The following R3HDM2 variants were observed in gnomAD, a reference collection of about 807,000 sequenced individuals.
R3HDM2 encodes the protein R3H domain containing 2, also known as R3H domain-containing protein 2.
R3HDM2 carries 38 observed loss-of-function variants against 124.5 expected under a neutral mutation model. The ratio of observed to expected loss-of-function variants is 0.31; its 90% CI spans 0.24 to 0.40. R3HDM2 has a LOEUF of 0.40. Ranked by LOEUF, R3HDM2 falls within the 10% of genes least tolerant of loss-of-function variation. The pLI is 1.00. For missense variants in R3HDM2, 869 were observed against 1,236.9 expected, an observed-to-expected ratio of 0.70 and a Z score of 4.46; for synonymous variants, 391 against 448.0, an observed-to-expected ratio of 0.87 and a Z score of 1.61.
chr12:57,339,803 T>C lies in R3HDM2; in HGVS notation c.-35-29340A>G, dbSNP rs185001384. 1.1e-4 allele frequency among the ~76,000 whole-genome samples: 17 copies of C among 152,112 alleles called. No homozygotes were observed. In the South Asian group the frequency reaches 3.1e-3, roughly 28 times the overall value. On this transcript the variant is annotated intron_variant, in intron 2 of 23. Transcript: ENST00000402412. ...ATCAGAGAGAAGAGAATTAAGTAGG[T>C]ATAGTAACTTTTAGGCACAGTAGTG...
At chr12:57,326,415 T>C (rs2057317848) in intron 2 of R3HDM2, among the ~76,000 whole-genome samples, 1 of 152,228 alleles carries the variant, frequency 6.6e-6, no homozygotes, top group African/African-American at 2.4e-5. Flanking sequence ...AACGTGCTAC[T>C]ACAGGGAACA....
At chr12:57,330,704 T>C (rs1417917093) in intron 2 of R3HDM2, among the ~76,000 whole-genome samples, 2 of 140,068 alleles carry the variant, frequency 1.4e-5, no homozygotes, top group African/African-American at 2.7e-5. Context: ...CTTTTTTTTT[T>C]TTTTTTTTTT....
intron 2 of R3HDM2, among the ~76,000 whole-genome samples, chr12:57,395,139 G>A (rs987952056): frequency 2.6e-5 from 4 of 151,746 alleles, no homozygotes; most frequent in Non-Finnish European, 4.4e-5. Context: ...GAACTCAGGA[G>A]GCACAGGTTG....
intron 1 of R3HDM2, among the ~76,000 whole-genome samples, chr12:57,429,677 C>G (rs1348790211): frequency 6.6e-6 from 1 of 150,502 alleles, no homozygotes; most frequent in African/African-American, 2.4e-5. Flanking sequence ...GGAACCACTA[C>G]ACTCCATTCT....
Position 57,357,939 on chromosome 12 carries a change from T to G in R3HDM2, c.-36+37810A>C, listed in dbSNP as rs573586990. On this transcript the variant is annotated intron_variant, in intron 2 of 23. Coordinates refer to ENST00000402412, the MANE Select transcript of R3HDM2 (RefSeq NM_001394031.1). ...TTCAGAGTGGTTAGGTTTCCAAATA[T>G]TTGGGGATTTTCCAGATATTGTTAT... 6.6e-5 allele frequency among the ~76,000 whole-genome samples: 10 copies of G among 152,022 alleles called. No individual in the cohort carries two copies. In the South Asian group the frequency reaches 1.7e-3, roughly 25 times the overall value.
At chr12:57,320,439 T>C (rs1407269830) in intron 2 of R3HDM2, among the ~76,000 whole-genome samples, 2 of 151,964 alleles carry the variant, frequency 1.3e-5, no homozygotes, top group African/African-American at 2.4e-5. Flanking sequence ...TAATGGTGAC[T>C]AGAACAAAGC....
At chr12:57,348,651 G>A (rs752741522) in intron 2 of R3HDM2, among the ~76,000 whole-genome samples, 9 of 129,446 alleles carry the variant, frequency 7.0e-5, no homozygotes, top group Non-Finnish European at 1.2e-4. Context: ...CCAAGATTGT[G>A]CCACTATACT....
intron 2 of R3HDM2, among the ~76,000 whole-genome samples, chr12:57,360,104 C>T (rs1272016032): frequency 6.8e-6 from 1 of 146,576 alleles, no homozygotes; most frequent in Non-Finnish European, 1.5e-5. Flanking sequence ...TCTCAGATCA[C>T]TGCAACCTCC....
At chr12:57,403,588 T>A (rs193046933) in intron 1 of R3HDM2, among the ~76,000 whole-genome samples, 1 of 152,094 alleles carries the variant, frequency 6.6e-6, no homozygotes, top group East Asian at 1.9e-4. Flanking sequence ...GCGGGTGTAT[T>A]GCTTGAGCTC....
At chr12:57,429,805 A>C (rs1281710010) in intron 1 of R3HDM2, among the ~76,000 whole-genome samples, 2 of 152,132 alleles carry the variant, frequency 1.3e-5, no homozygotes, top group African/African-American at 4.8e-5. Flanking sequence ...ACAACAAAAA[A>C]AAGCATTAGG....
At chr12:57,320,286 A>AAAAAAAAAAAAAAAAAACAAAG in intron 2 of R3HDM2, among the ~76,000 whole-genome samples, 1 of 147,344 alleles carries the variant, frequency 6.8e-6, no homozygotes, top group Non-Finnish European at 1.5e-5. Context: ...AAAAAAAAAA[A>AAAAAAAAAAAAAAAAAACAAAG]AAGCCTTAAA....
At chr12:57,344,315 C>T (rs1421900187) in intron 2 of R3HDM2, among the ~76,000 whole-genome samples, 6 of 152,082 alleles carry the variant, frequency 3.9e-5, no homozygotes, top group Non-Finnish European at 8.8e-5. Flanking sequence ...AAAAGCTGCA[C>T]GGAACTTGAA....
chr12:57,405,899 G>A (rs1467629109), intron 1 of R3HDM2, among the ~76,000 whole-genome samples: 2 of 152,020 alleles, frequency 1.3e-5, no homozygotes, highest in East Asian at 1.9e-4. Flanking sequence ...GATGATCTTC[G>A]GTCATCTTGT....
chr12:57,407,723 C>T (rs1289499703), intron 1 of R3HDM2, among the ~76,000 whole-genome samples: 4 of 151,716 alleles, frequency 2.6e-5, no homozygotes, highest in Admixed American at 1.3e-4. Context: ...TTATTTTAAA[C>T]GGGCAATTGG....
intron 2 of R3HDM2, among the ~76,000 whole-genome samples, chr12:57,342,607 AGCTTT>A (rs2059684902): frequency 6.6e-6 from 1 of 152,224 alleles, no homozygotes; most frequent in Admixed American, 6.5e-5. Context: ...CTCTGAGGAT[AGCTTT>A]TAAAGACACA....
chr12:57,423,461 G>C (rs1390578494), intron 1 of R3HDM2, among the ~76,000 whole-genome samples: 1 of 150,734 alleles, frequency 6.6e-6, no homozygotes, highest in Non-Finnish European at 1.5e-5. Flanking sequence ...AATTTTACAA[G>C]GTCTCCCATA....
intron 1 of R3HDM2, among the ~76,000 whole-genome samples, chr12:57,410,797 G>A (rs753704094): frequency 1.3e-5 from 2 of 152,184 alleles, no homozygotes; most frequent in Non-Finnish European, 2.9e-5. Context: ...AAGCTATGGT[G>A]AGCCATGATG....
At chr12:57,382,862 A>G (rs550111682) in intron 2 of R3HDM2, among the ~76,000 whole-genome samples, 1 of 151,826 alleles carries the variant, frequency 6.6e-6, no homozygotes, top group South Asian at 2.1e-4. Context: ...ATAAAAAATA[A>G]AATAATTTTT....
chr12:57,256,483 C>T lies in R3HDM2; in HGVS notation c.2478G>A (p.Gln826=). 1 of 1,595,116 alleles carries T rather than the reference C, an allele frequency of 6.3e-7. No individual in the cohort carries two copies. The highest frequency in any genetic ancestry group is 8.5e-7 in the Non-Finnish European group (1 of 1,170,452). The change falls in exon 22 of 24, where the codon CAG becomes CAA. Residue 826 remains glutamine, a synonymous_variant. Coordinates refer to ENST00000402412, the MANE Select transcript of R3HDM2 (RefSeq NM_001394031.1). ...QGDGRYSLLG[Q]PLQYNLSICP... ...AGATGGACAGATTGTACTGTAATGG[C>T]TGGCCCAAAAGGGAGTAGCGCCCAT... is the stretch of plus-strand genomic sequence containing the variant.
Sources: allele counts gnomAD v4.1 joint callset (sites outside exome capture counted in the v4.1 genomes callset), GRCh38; gene constraint gnomAD v4.1.1; transcripts MANE v1.5; gene names NCBI Gene and HGNC (gene_info 2026-07-23, HGNC 2026-07-21).